Variants in HERC2 observed in about 807,000 individuals in gnomAD.
The protein encoded by HERC2 is HECT and RLD domain containing E3 ubiquitin protein ligase 2.
In HERC2, 102 loss-of-function variants were observed where a neutral mutation model predicts 537.7. The ratio of observed to expected loss-of-function variants is 0.19; its 90% CI spans 0.16 to 0.22. The LOEUF (loss-of-function observed/expected upper bound fraction) is 0.22. Among genes scored for constraint, HERC2 ranks in the 10% least tolerant of loss-of-function variants. The probability of loss-of-function intolerance (pLI) is 1.00; values close to 1 mark genes in which losing one functional copy is unlikely to be tolerated. For synonymous variants in HERC2, 2,224 were observed against 2,466.2 expected, an observed-to-expected ratio of 0.90 and a Z score of 2.91; for missense variants, 4,236 against 6,198.2, an observed-to-expected ratio of 0.68 and a Z score of 10.63.
chr15:28,273,964 A>G (rs950826492), intron 7 of HERC2, among the ~76,000 whole-genome samples: 1 of 152,154 alleles, frequency 6.6e-6, no homozygotes, highest in Admixed American at 6.5e-5. Flanking sequence ...ACCACTCCGC[A>G]CTCAGAACAG....
intron 2 of HERC2, among the ~76,000 whole-genome samples, chr15:28,318,169 TTTTGG>T (rs1331884779): frequency 3.9e-5 from 6 of 152,280 alleles, no homozygotes; most frequent in Middle Eastern, 3.4e-3. Context: ...TTAACTGACG[TTTTGG>T]TTTGCTAAAA....
chr15:28,179,916 A>C (rs1023541334), intron 57 of HERC2, among the ~76,000 whole-genome samples: 1 of 152,246 alleles, frequency 6.6e-6, no homozygotes, highest in African/African-American at 2.4e-5. Flanking sequence ...AGAGTCAAAA[A>C]GTTTTTTAAA....
intron 48 of HERC2, among the ~76,000 whole-genome samples, chr15:28,199,724 T>C (rs930329434): frequency 7.9e-5 from 12 of 152,140 alleles, no homozygotes; most frequent in Admixed American, 1.3e-4. Flanking sequence ...TGCTTGCCTG[T>C]TGAGATGGGG....
intron 23 of HERC2, among the ~76,000 whole-genome samples, chr15:28,242,083 T>C (rs1567060056): frequency 6.6e-6 from 1 of 152,212 alleles, no homozygotes; most frequent in Admixed American, 6.5e-5. Flanking sequence ...ATAAATACTG[T>C]ATGGTTCCAT....
chr15:28,205,106 C>T (rs146672468), intron 45 of HERC2, among the ~76,000 whole-genome samples: 661 of 152,022 alleles, frequency 4.3e-3, no homozygotes, highest in African/African-American at 0.015. Flanking sequence ...ATAGAAAATA[C>T]GAAAAGCAAC....
At chr15:28,284,036 G>A (rs1251543983) in intron 4 of HERC2, among the ~76,000 whole-genome samples, 5 of 152,128 alleles carry the variant, frequency 3.3e-5, no homozygotes, top group Non-Finnish European at 7.4e-5. Flanking sequence ...AGAGCCTGAA[G>A]GTAATTTTAT....
chr15:28,119,212 A>G (rs537196728), intron 86 of HERC2, among the ~76,000 whole-genome samples: 1 of 152,106 alleles, frequency 6.6e-6, no homozygotes, highest in South Asian at 2.1e-4. Flanking sequence ...CCTGGCCAAC[A>G]TGGTGAAATT....
chr15:28,297,510 C>T (rs1221850584), intron 3 of HERC2, among the ~76,000 whole-genome samples: 1 of 151,600 alleles, frequency 6.6e-6, no homozygotes, highest in African/African-American at 2.4e-5. Context: ...GTAACACCTC[C>T]TGATGAGAAG....
At chr15:28,149,499 CA>C (rs1892166504) in intron 70 of HERC2, among the ~76,000 whole-genome samples, 1 of 80,476 alleles carries the variant, frequency 1.2e-5, no homozygotes, top group African/African-American at 5.0e-5. Context: ...ATTCCAGTAA[CA>C]TTACCAAAAA....
At chr15:28,229,092 T>A (rs1361115734) in intron 34 of HERC2, 103 bp downstream of exon 34, 11 of 1,087,698 alleles carry the variant, frequency 1.0e-5, no homozygotes, top group African/African-American at 1.5e-5. Flanking sequence ...AGTACAAACT[T>A]TAATTAAAAT....
intron 92 of HERC2, among the ~76,000 whole-genome samples, chr15:28,112,595 C>T (rs1437928614): frequency 6.6e-6 from 1 of 152,188 alleles, no homozygotes; most frequent in African/African-American, 2.4e-5. Flanking sequence ...CTGTTACGGT[C>T]CCAACAGAGA....
Position 28,130,468 on chromosome 15 carries a change from T to C in HERC2, c.12662+35A>G, listed in dbSNP as rs1033705294. 6.2e-6 allele frequency: 10 copies of C among 1,600,804 alleles called. No homozygotes were observed. In the Admixed American group the frequency reaches 1.2e-4, roughly 19 times the overall value. On this transcript the variant is annotated intron_variant, in intron 82 of 92. Coordinates refer to ENST00000261609, the MANE Select transcript of HERC2 (RefSeq NM_004667.6). The stretch of plus-strand genomic sequence containing the variant: ...TGCACATACCCCAATAAAAATCTGG[T>C]TTTAGTGGGTTTAAACAAACAGAAT...
In HERC2 at chr15:28,142,227, T is replaced by C. The variant is rs779545319; in HGVS notation, c.11700+11A>G. The C allele has an allele frequency of 1.2e-6, 2 of 1,609,744 alleles. No individual in the cohort carries two copies. Among genetic ancestry groups the C allele is most frequent in the South Asian group, 2.2e-5 (2 of 90,462 alleles). On this transcript the variant is annotated intron_variant, in intron 76 of 92. Coordinates refer to ENST00000261609, the MANE Select transcript of HERC2 (RefSeq NM_004667.6). Reference sequence around the variant, plus strand: ...GCATCCCAAAAGTGATTCCAAAATATCATGCAATACCTCATCAAGAAACAG... The same window carrying C: ...GCATCCCAAAAGTGATTCCAAAATACCATGCAATACCTCATCAAGAAACAG...
chr15:28,235,930 G>A (rs760708702), intron 26 of HERC2, among the ~76,000 whole-genome samples: 8 of 152,146 alleles, frequency 5.3e-5, no homozygotes, highest in Non-Finnish European at 8.8e-5. Context: ...TTAGGAGACA[G>A]GAAGAAACTT....
chr15:28,171,533 A>C (rs1218518016), intron 65 of HERC2, among the ~76,000 whole-genome samples: 1 of 152,146 alleles, frequency 6.6e-6, no homozygotes, highest in Non-Finnish European at 1.5e-5. Flanking sequence ...AGAAGATCAC[A>C]TTCCAGTTAT....
rs769100654 is a variant in HERC2, at chr15:28,115,504, G to A, written c.13647C>T (p.Pro4549=). Reference sequence around the variant, plus strand: ...CAGGCTCGGCAAGGTTGAGGCTCAGGGGACTCCCGGTTCGGATGGCAATGC... The same window carrying A: ...CAGGCTCGGCAAGGTTGAGGCTCAGAGGACTCCCGGTTCGGATGGCAATGC... ...LLGIAIRTGS[P]LSLNLAEPVW... Residue 4549 remains proline, a synonymous_variant, in exon 89 of 93, where the codon CCC becomes CCT. Coordinates refer to ENST00000261609, the MANE Select transcript of HERC2 (RefSeq NM_004667.6). 49 of 1,613,854 alleles carry A rather than the reference G, an allele frequency of 3.0e-5. No homozygotes were observed. Among genetic ancestry groups the A allele is most frequent in the Non-Finnish European group, 3.9e-5 (46 of 1,179,988 alleles).
chr15:28,127,437 T>G (rs1473238408), intron 83 of HERC2, among the ~76,000 whole-genome samples: 2 of 152,204 alleles, frequency 1.3e-5, no homozygotes, highest in Admixed American at 6.5e-5. Flanking sequence ...AAAACTGGAA[T>G]GAACCCTGTG....
intron 70 of HERC2, among the ~76,000 whole-genome samples, chr15:28,148,691 C>T (rs1892035519): frequency 2.0e-5 from 3 of 151,486 alleles, no homozygotes; most frequent in South Asian, 2.1e-4. Context: ...GAAACACATG[C>T]GGCTTCTAAC....
chr15:28,132,522 T>C, intron 80 of HERC2, 131 bp downstream of exon 80: 1 of 947,652 alleles, frequency 1.1e-6, no homozygotes, highest in Non-Finnish European at 1.4e-6. Context: ...ATTCACTTCT[T>C]GCACCCAAAA....
Sources: allele counts gnomAD v4.1 joint callset (sites outside exome capture counted in the v4.1 genomes callset), GRCh38; gene constraint gnomAD v4.1.1; transcripts MANE v1.5; gene names NCBI Gene and HGNC (gene_info 2026-07-23, HGNC 2026-07-21).